Variants in PTPRG observed in about 807,000 individuals in gnomAD.
PTPRG encodes the protein protein tyrosine phosphatase receptor type G, also known as receptor-type tyrosine-protein phosphatase gamma.
A neutral mutation model predicts 165.3 loss-of-function variants in PTPRG; 102 were observed. The ratio of observed to expected loss-of-function variants is 0.62; its 90% CI spans 0.53 to 0.73. PTPRG has a LOEUF of 0.73. Among genes scored for constraint, PTPRG ranks in the 30% least tolerant of loss-of-function variants. PTPRG has a pLI of 0.00. For synonymous variants in PTPRG, 675 were observed against 669.5 expected (o/e 1.01, Z -0.13); for missense variants, 1,866 against 1,861.4 (o/e 1.00, Z -0.05).
chr3:61,696,151 G>A (rs1037767075), intron 1 of PTPRG, among the ~76,000 whole-genome samples: 2 of 152,124 alleles, frequency 1.3e-5, no homozygotes, highest in Admixed American at 6.5e-5. Context: ...CCCAATGCTT[G>A]TATGTTTGTG....
rs1700765479 is a variant in PTPRG at position 61,598,753 on chromosome 3, G to A, written c.85+36381G>A. Among the ~76,000 whole-genome samples, 5 of 152,268 alleles carry A rather than the reference G, an allele frequency of 3.3e-5. No homozygotes were observed. The South Asian group carries it at 8.3e-4, about 25-fold the overall frequency. ...GGAGGGCAGAAATCTGAGAGTGTAG[G>A]CAGAGTTGGTTCCTTCTCAGGGTCG... is the stretch of plus-strand genomic sequence containing the variant. On this transcript the variant is annotated intron_variant, in intron 1 of 29. Coordinates refer to ENST00000474889, the MANE Select transcript of PTPRG (RefSeq NM_002841.4).
intron 1 of PTPRG, among the ~76,000 whole-genome samples, chr3:61,650,707 C>G (rs1443693411): frequency 6.6e-6 from 1 of 152,172 alleles, no homozygotes; most frequent in Non-Finnish European, 1.5e-5. Context: ...GCACAGTCAA[C>G]TTTTATCTTA....
intron 10 of PTPRG, among the ~76,000 whole-genome samples, chr3:62,200,023 C>G (rs1222168884): frequency 6.6e-6 from 1 of 152,082 alleles, no homozygotes; most frequent in African/African-American, 2.4e-5. Flanking sequence ...ATGTATGATT[C>G]CACTTATATG....
In PTPRG at chr3:62,032,446, C is replaced by G. The variant is rs564161589; in HGVS notation, c.519+28949C>G. On this transcript the variant is annotated intron_variant, in intron 4 of 29. Transcript: ENST00000474889. ...ACCGAATATACTATTGTAGGAAATT[C>G]TGGAGTTTCCAGTGGCTAAACTGGC... is the stretch of plus-strand genomic sequence containing the variant. Among the ~76,000 whole-genome samples, 3 of 152,262 alleles carry G rather than the reference C, an allele frequency of 2.0e-5. No individual in the cohort carries two copies. In the South Asian group the frequency reaches 6.2e-4, roughly 32 times the overall value.
intron 4 of PTPRG, among the ~76,000 whole-genome samples, chr3:62,070,214 T>C (rs1447816810): frequency 1.3e-5 from 2 of 152,208 alleles, no homozygotes; most frequent in Non-Finnish European, 2.9e-5. Flanking sequence ...AAAGAGAAAG[T>C]AACATAATCT....
intron 5 of PTPRG, among the ~76,000 whole-genome samples, chr3:62,105,586 A>G (rs1252175120): frequency 6.6e-6 from 1 of 152,186 alleles, no homozygotes; most frequent in African/African-American, 2.4e-5. Context: ...TAAGAATAGA[A>G]GGTTTCCTGA....
chr3:61,688,568 G>A (rs1037283758), intron 1 of PTPRG, among the ~76,000 whole-genome samples: 1 of 152,210 alleles, frequency 6.6e-6, no homozygotes, highest in Non-Finnish European at 1.5e-5. Flanking sequence ...CTCTCTGGTG[G>A]ATTGGAGCAG....
At chr3:61,658,862 G>A (rs574472225) in intron 1 of PTPRG, among the ~76,000 whole-genome samples, 4 of 152,262 alleles carry the variant, frequency 2.6e-5, no homozygotes, top group South Asian at 2.1e-4. Context: ...ATAGTTATAC[G>A]CCTGTAAAAA....
At chr3:61,826,680 T>G (rs1215782802) in intron 2 of PTPRG, among the ~76,000 whole-genome samples, 2 of 152,210 alleles carry the variant, frequency 1.3e-5, no homozygotes, top group African/African-American at 4.8e-5. Flanking sequence ...AAATACTTGC[T>G]TCTTACTCTA....
chr3:61,951,353 A>T (rs924562824), intron 2 of PTPRG, among the ~76,000 whole-genome samples: 2 of 152,182 alleles, frequency 1.3e-5, no homozygotes, highest in Admixed American at 1.3e-4. Context: ...TGGTTTTGTA[A>T]TAATCTCATC....
chr3:61,905,473 T>G (rs1360987055), intron 2 of PTPRG, among the ~76,000 whole-genome samples: 1 of 152,214 alleles, frequency 6.6e-6, no homozygotes, highest in Non-Finnish European at 1.5e-5. Flanking sequence ...CTTTCAAAAC[T>G]TCATGTGCTG....
At chr3:61,991,626 G>A (rs1028575672) in intron 3 of PTPRG, among the ~76,000 whole-genome samples, 1 of 152,138 alleles carries the variant, frequency 6.6e-6, no homozygotes, top group Non-Finnish European at 1.5e-5. Flanking sequence ...GTGTTCTTAG[G>A]ATAACCGCAA....
At chr3:61,871,161 T>TTA (rs1340810416) in intron 2 of PTPRG, among the ~76,000 whole-genome samples, 208 of 100,056 alleles carry the variant, frequency 2.1e-3, no homozygotes, top group Admixed American at 4.6e-3. Flanking sequence ...TTGTGTTGTG[T>TTA]TGTGTTATGT....
chr3:62,235,737 T>C (rs1004750558), intron 14 of PTPRG, among the ~76,000 whole-genome samples: 3 of 152,236 alleles, frequency 2.0e-5, no homozygotes, highest in African/African-American at 7.2e-5. Flanking sequence ...ATCTCTCCTA[T>C]TCATGTGAAA....
chr3:61,753,524 C>A, intron 2 of PTPRG: 1 of 423,890 alleles, frequency 2.4e-6, no homozygotes, highest in Non-Finnish European at 4.6e-6. Context: ...GTCATCAATG[C>A]AGGAAAGAGA....
intron 6 of PTPRG, among the ~76,000 whole-genome samples, chr3:62,135,887 C>A (rs1048783491): frequency 6.6e-6 from 1 of 152,154 alleles, no homozygotes; most frequent in African/African-American, 2.4e-5. Flanking sequence ...TGAAAGGAGT[C>A]CTGTGTTGGC....
intron 3 of PTPRG, among the ~76,000 whole-genome samples, chr3:61,997,027 T>C (rs1216403106): frequency 1.3e-5 from 2 of 152,222 alleles, no homozygotes; most frequent in East Asian, 3.9e-4. Context: ...CGTTCTCTGC[T>C]AGACTCCTCC....
At chr3:62,292,694 G>C in intron 29 of PTPRG, 138 bp downstream of exon 29, 1 of 934,868 alleles carries the variant, frequency 1.1e-6, no homozygotes. Context: ...TTTTTTGCTT[G>C]TCACAACTGC....
intron 2 of PTPRG, among the ~76,000 whole-genome samples, chr3:61,820,781 G>T (rs959609317): frequency 2.2e-4 from 33 of 151,978 alleles, no homozygotes; most frequent in Admixed American, 6.6e-5. Context: ...ATCTTCAGGG[G>T]TTCCTGTTTT....
Sources: allele counts gnomAD v4.1 joint callset (sites outside exome capture counted in the v4.1 genomes callset), GRCh38; gene constraint gnomAD v4.1.1; transcripts MANE v1.5; gene names NCBI Gene and HGNC (gene_info 2026-07-23, HGNC 2026-07-21).